Variants in MRPS21 observed in about 807,000 individuals in gnomAD.
MRPS21 encodes small ribosomal subunit protein bS21m.
In MRPS21, 8 loss-of-function variants were observed where a neutral mutation model predicts 9.9. That is an observed-to-expected ratio of 0.81 (90% CI 0.47 to 1.45). The LOEUF (loss-of-function observed/expected upper bound fraction) is 1.45, where lower values mean the gene tolerates loss of function less well. Among genes scored for constraint, MRPS21 ranks in the 40% most tolerant of loss-of-function variants. The probability of loss-of-function intolerance (pLI) is 0.00; values close to 1 mark genes in which losing one functional copy is unlikely to be tolerated. For synonymous variants in MRPS21, 40 were observed against 40.3 expected (o/e 0.99, Z 0.03); for missense variants, 101 against 118.9 (o/e 0.85, Z 0.70).
Position 150,299,831 on chromosome 1 carries a change from A to G in MRPS21, c.83+5382A>G, listed in dbSNP as rs587773693. Among the ~76,000 whole-genome samples the G allele has an allele frequency of 4.6e-5, 7 of 152,178 alleles. No homozygotes were observed. The South Asian group carries it at 1.5e-3, about 32-fold the overall frequency. On this transcript the variant is annotated intron_variant, in intron 2 of 2. Transcript: ENST00000614145. ...AACCTATTTCCTGGGTCGAAGTGTT[A>G]ATATTAGAGAGCCGGAGAGTGGTCA...
At chr1:150,307,180 AG>A (rs1323127335) in intron 2 of MRPS21, among the ~76,000 whole-genome samples, 3 of 150,758 alleles carry the variant, frequency 2.0e-5, no homozygotes, top group Non-Finnish European at 4.4e-5. Flanking sequence ...AGTAGCTGGG[AG>A]GGACTATAGG....
chr1:150,295,217 A>G lies in MRPS21; in HGVS notation c.83+768A>G, dbSNP rs113499530. Among the ~76,000 whole-genome samples, 388 of 151,936 alleles carry G rather than the reference A, an allele frequency of 2.6e-3. 2 individuals are homozygous for G. The highest frequency in any genetic ancestry group is 8.8e-3 in the African/African-American group (366 of 41,452). ...CACCGTGTTGGCCAGGATGGTCTTG[A>G]TCTCCTGACCTCAAGTGATCTGCCT... On this transcript the variant is annotated intron_variant, in intron 2 of 2. Transcript: ENST00000614145.
intron 1 of MRPS21, 97 bp downstream of exon 1, chr1:150,293,995 T>C (rs1553856113): frequency 4.1e-6 from 1 of 246,164 alleles, no homozygotes; most frequent in Admixed American, 4.7e-5. Flanking sequence ...CAACAAAGAG[T>C]CCTTCCCCAA....
intron 2 of MRPS21, among the ~76,000 whole-genome samples, chr1:150,300,563 G>C (rs1654079159): frequency 6.6e-6 from 1 of 152,116 alleles, no homozygotes; most frequent in East Asian, 1.9e-4. Context: ...ATGAACTATA[G>C]GGGTTCTGCT....
At chr1:150,295,530 G>C (rs1328967350) in intron 2 of MRPS21, among the ~76,000 whole-genome samples, 2 of 152,192 alleles carry the variant, frequency 1.3e-5, no homozygotes, top group Non-Finnish European at 2.9e-5. Flanking sequence ...ATGTGAAGTT[G>C]CTAGGAAGCG....
chr1:150,302,381 A>G (rs1167390054), intron 2 of MRPS21, among the ~76,000 whole-genome samples: 1 of 152,084 alleles, frequency 6.6e-6, no homozygotes, highest in African/African-American at 2.4e-5. Context: ...GCCCTGCATG[A>G]TTGGCTGGCC....
intron 2 of MRPS21, among the ~76,000 whole-genome samples, chr1:150,305,436 G>A (rs1466257652): frequency 6.6e-6 from 1 of 152,088 alleles, no homozygotes; most frequent in Non-Finnish European, 1.5e-5. Flanking sequence ...ATTGATTTGG[G>A]CCTTTGAGGA....
Position 150,308,339 on chromosome 1 carries a change from C to A in MRPS21, c.*111C>A. On this transcript the variant is annotated 3_prime_UTR_variant, in exon 3 of 3. Transcript: ENST00000614145. ...CATTCTCTGCAATAAACTCAAATCA[C>A]ATGTCTGCAAGAAGGCCTCCAAATA... 8.7e-7 allele frequency: 1 copy of A among 1,147,188 alleles called. No individual in the cohort carries two copies. Among genetic ancestry groups the A allele is most frequent in the Non-Finnish European group, 1.2e-6 (1 of 834,154 alleles). 71.1% of individuals were successfully genotyped at this position (1,147,188 alleles called of 1,614,324 possible). A position where few individuals can be genotyped will look rare whatever the true frequency, so the allele number is the denominator to read the frequency against.
At chr1:150,297,664 C>CAA (rs71652043) in intron 2 of MRPS21, among the ~76,000 whole-genome samples, 70,343 of 149,372 alleles carry the variant, frequency 0.47, 17,450 homozygotes, top group East Asian at 0.76. Context: ...GAGTAAGACT[C>CAA]AAAAAAAAAA....
intron 2 of MRPS21, among the ~76,000 whole-genome samples, chr1:150,300,326 A>C (rs1274874603): frequency 6.6e-6 from 1 of 151,762 alleles, no homozygotes; most frequent in Non-Finnish European, 1.5e-5. Flanking sequence ...CTGGGTGACA[A>C]AGTGAGACCC....
At chr1:150,307,348 C>CTTT (rs1572154026) in intron 2 of MRPS21, among the ~76,000 whole-genome samples, 1,419 of 87,254 alleles carry the variant, frequency 0.016, 153 homozygotes, top group Non-Finnish European at 0.016. Flanking sequence ...GTGCCCAGTC[C>CTTT]TTTTTTTTTT....
At chr1:150,302,427 C>T (rs1269758769) in intron 2 of MRPS21, among the ~76,000 whole-genome samples, 1 of 152,108 alleles carries the variant, frequency 6.6e-6, no homozygotes. Context: ...TGGAAGCATG[C>T]CCTGTTGACT....
At chr1:150,299,485 G>A (rs763303927) in intron 2 of MRPS21, among the ~76,000 whole-genome samples, 3 of 150,190 alleles carry the variant, frequency 2.0e-5, no homozygotes, top group Non-Finnish European at 4.4e-5. Context: ...ACGATGTCTC[G>A]CTCTTGTCCC....
At chr1:150,294,196 A>G (rs2101900758) in intron 1 of MRPS21, 139 bp from the exon 2 acceptor site, 1 of 590,144 alleles carries the variant, frequency 1.7e-6, no homozygotes, top group East Asian at 3.0e-5. Flanking sequence ...TCTACTTTCT[A>G]GGATGACTTC....
chr1:150,308,369 A>G lies in MRPS21; in HGVS notation c.*141A>G, dbSNP rs1002290939. 1.2e-4 allele frequency: 93 copies of G among 766,568 alleles called. No homozygotes were observed. Among genetic ancestry groups the G allele is most frequent in the Non-Finnish European group, 1.8e-4 (92 of 500,826 alleles). The allele number at this position is 766,568 out of a possible 1,614,324, so 47.5% of individuals were successfully genotyped here. On this transcript the variant is annotated 3_prime_UTR_variant, in exon 3 of 3. Coordinates refer to ENST00000614145, the MANE Select transcript of MRPS21 (RefSeq NM_031901.6). ...CTGCAAGAAGGCCTCCAAATATAGA[A>G]ACAATCCCATTAGTCAGCAGTGGAC... is the stretch of plus-strand genomic sequence containing the variant.
chr1:150,303,143 TTCC>T (rs1553857935), intron 2 of MRPS21, among the ~76,000 whole-genome samples: 2 of 152,312 alleles, frequency 1.3e-5, no homozygotes, highest in Middle Eastern at 3.4e-3. Context: ...ACTCAACCCC[TTCC>T]TCCTCTTGCA....
chr1:150,294,560 C>A (rs111827150), intron 2 of MRPS21, 111 bp downstream of exon 2: 404 of 918,136 alleles, frequency 4.4e-4, no homozygotes, highest in Middle Eastern at 1.8e-3. Flanking sequence ...CCCAGGTGTT[C>A]ACAGTCTCTT....
intron 2 of MRPS21, chr1:150,301,400 A>G: frequency 4.6e-6 from 1 of 215,730 alleles, no homozygotes; most frequent in Non-Finnish European, 9.6e-6. Context: ...CAGGAGGCTG[A>G]GGCAGGAGAA....
chr1:150,304,309 T>TCAAA, intron 2 of MRPS21: 4 of 108,700 alleles, frequency 3.7e-5, no homozygotes, highest in Non-Finnish European at 5.5e-5. Context: ...AGGCCCTGCC[T>TCAAA]ACAAAAAAAA....
Sources: gnomAD v4.1 joint callset for allele counts (sites outside exome capture counted in the v4.1 genomes callset) on GRCh38, gnomAD v4.1.1 for gene constraint, MANE v1.5 for transcripts, NCBI Gene and HGNC (gene_info 2026-07-23, HGNC 2026-07-21) for gene names.